The following GPHN variants were observed in gnomAD, a reference collection of about 807,000 sequenced individuals.
GPHN encodes gephyrin.
A neutral mutation model predicts 95.5 loss-of-function variants in GPHN; 17 were observed. That is an observed-to-expected ratio of 0.18 (90% CI 0.12 to 0.27). The LOEUF (loss-of-function observed/expected upper bound fraction) is 0.27, where lower values mean the gene tolerates loss of function less well. Among genes scored for constraint, GPHN ranks in the 10% least tolerant of loss-of-function variants. The pLI is 1.00. For missense variants in GPHN, 660 were observed against 978.1 expected (o/e 0.67, Z 4.34); for synonymous variants, 320 against 322.5 (o/e 0.99, Z 0.08).
At chr14:67,221,866 C>A in the GPHN span, 1 of 1,595,194 alleles carries the variant, frequency 6.3e-7, no homozygotes, top group Non-Finnish European at 8.5e-7. Flanking sequence ...GTAGTCATCT[C>A]TGGTTCCTAG....
chr14:67,290,777 C>T, the GPHN span, among the ~76,000 whole-genome samples: 1 of 152,078 alleles, frequency 6.6e-6, no homozygotes, highest in Non-Finnish European at 1.5e-5. Flanking sequence ...TCAAGCAGTC[C>T]ACCTGCTTCA....
intron 5 of GPHN, among the ~76,000 whole-genome samples, chr14:66,880,852 A>T (rs1461851527): frequency 2.6e-5 from 4 of 151,996 alleles, no homozygotes; most frequent in African/African-American, 9.7e-5. Flanking sequence ...GATCCCCTAA[A>T]TGAGGACAAT....
chr14:66,582,506 G>A (rs1451781545), intron 1 of GPHN, among the ~76,000 whole-genome samples: 1 of 151,828 alleles, frequency 6.6e-6, no homozygotes, highest in African/African-American at 2.4e-5. Context: ...TTAGCATTAG[G>A]TATATCTCCT....
the GPHN span, among the ~76,000 whole-genome samples, chr14:67,670,538 A>G: frequency 6.6e-6 from 1 of 151,532 alleles, no homozygotes. Context: ...TTTAGGATTA[A>G]TCACACACTT....
Position 66,841,920 on chromosome 14 carries a change from G to T in GPHN, c.294+17354G>T, listed in dbSNP as rs190320393. Reference sequence around the variant, plus strand: ...GAAAAGAAAAAAGCCAGACCTGGTGGTGCACGCCTGTAATCCCAGCTACTC... The same window carrying T: ...GAAAAGAAAAAAGCCAGACCTGGTGTTGCACGCCTGTAATCCCAGCTACTC... On this transcript the variant is annotated intron_variant, in intron 4 of 22. Coordinates refer to ENST00000478722, the MANE Select transcript of GPHN (RefSeq NM_020806.5). Among the ~76,000 whole-genome samples the T allele has an allele frequency of 3.0e-3, 457 of 152,022 alleles. 3 individuals are homozygous for T. The highest frequency in any genetic ancestry group is 0.011 in the African/African-American group (439 of 41,476).
At chr14:67,322,532 A>G in the GPHN span, among the ~76,000 whole-genome samples, 2 of 152,320 alleles carry the variant, frequency 1.3e-5, no homozygotes, top group African/African-American at 4.8e-5. Flanking sequence ...AGAGATGTAC[A>G]TAAAGGAGAA....
intron 19 of GPHN, among the ~76,000 whole-genome samples, chr14:67,163,632 A>G (rs916558276): frequency 1.1e-4 from 17 of 152,188 alleles, no homozygotes; most frequent in African/African-American, 4.1e-4. Flanking sequence ...AAATCATCAA[A>G]AGAAGTCAGT....
chr14:67,330,918 C>T, the GPHN span, among the ~76,000 whole-genome samples: 1 of 152,256 alleles, frequency 6.6e-6, no homozygotes, highest in South Asian at 2.1e-4. Flanking sequence ...TATTTTATGG[C>T]CCAACATCTG....
At chr14:67,502,823 AC>A in the GPHN span, among the ~76,000 whole-genome samples, 4 of 152,270 alleles carry the variant, frequency 2.6e-5, no homozygotes, top group Middle Eastern at 6.8e-3. Flanking sequence ...CCAGCAGCCA[AC>A]CAACCAACTT....
At chr14:67,316,772 A>T in the GPHN span, 4 of 1,429,400 alleles carry the variant, frequency 2.8e-6, no homozygotes, top group Non-Finnish European at 2.9e-6. Flanking sequence ...TTGATTAAAA[A>T]AAAAATTCTT....
the GPHN span, among the ~76,000 whole-genome samples, chr14:67,597,696 T>C: frequency 6.6e-6 from 1 of 151,962 alleles, no homozygotes; most frequent in Non-Finnish European, 1.5e-5. Flanking sequence ...AAAGGCAAGA[T>C]TAATACATAG....
chr14:66,956,450 G>C (rs1380499549), intron 8 of GPHN, among the ~76,000 whole-genome samples: 1 of 152,044 alleles, frequency 6.6e-6, no homozygotes, highest in Non-Finnish European at 1.5e-5. Flanking sequence ...GATCCCTGAG[G>C]AATCGCCACA....
the GPHN span, among the ~76,000 whole-genome samples, chr14:67,287,812 A>G: frequency 4.6e-5 from 7 of 152,246 alleles, no homozygotes; most frequent in Non-Finnish European, 8.8e-5. Flanking sequence ...GCAAAATAAT[A>G]CCAGTAGTTA....
the GPHN span, among the ~76,000 whole-genome samples, chr14:67,337,067 A>AAAAT: frequency 6.6e-6 from 1 of 152,214 alleles, no homozygotes; most frequent in Non-Finnish European, 1.5e-5. Flanking sequence ...TTTCCTCTGT[A>AAAAT]AAATAGGGGG....
chr14:67,241,561 C>A, the GPHN span: 1 of 152,702 alleles, frequency 6.5e-6, no homozygotes, highest in Non-Finnish European at 1.5e-5. Context: ...GGCGGCTGGG[C>A]TGTAGAGATC....
chr14:67,654,248 T>G, the GPHN span, among the ~76,000 whole-genome samples: 329 of 152,214 alleles, frequency 2.2e-3, 1 homozygote, highest in African/African-American at 7.6e-3. Flanking sequence ...GGATCACAGG[T>G]GCACGCCACC....
intron 18 of GPHN, among the ~76,000 whole-genome samples, chr14:67,154,922 C>G (rs1203469792): frequency 6.6e-6 from 1 of 151,638 alleles, no homozygotes; most frequent in Non-Finnish European, 1.5e-5. Context: ...CACTAAGATC[C>G]CAGAGAAAAA....
chr14:67,342,700 A>G, the GPHN span, among the ~76,000 whole-genome samples: 4,388 of 150,540 alleles, frequency 0.029, 85 homozygotes, highest in Non-Finnish European at 0.036. Flanking sequence ...CAGTTAATAT[A>G]TTTCTAACAA....
chr14:67,316,710 A>G, the GPHN span: 4 of 694,488 alleles, frequency 5.8e-6, no homozygotes, highest in Non-Finnish European at 9.1e-6. Flanking sequence ...GTGTTGGCAA[A>G]AGGATTTGGA....
Sources: gnomAD v4.1 joint callset for allele counts (sites outside exome capture counted in the v4.1 genomes callset) on GRCh38, gnomAD v4.1.1 for gene constraint, MANE v1.5 for transcripts, NCBI Gene and HGNC (gene_info 2026-07-23, HGNC 2026-07-21) for gene names.